The following LEF1 variants were observed in gnomAD, a reference collection of about 807,000 sequenced individuals.
LEF1 encodes the protein lymphoid enhancer-binding factor 1.
In LEF1, 14 loss-of-function variants were observed where a neutral mutation model predicts 51.2. The observed-to-expected ratio is 0.27, with a 90% CI of 0.18 to 0.43. The LOEUF (loss-of-function observed/expected upper bound fraction) is 0.43. Among genes scored for constraint, LEF1 ranks in the 20% least tolerant of loss-of-function variants. The probability of loss-of-function intolerance (pLI) is 1.00; values close to 1 mark genes in which losing one functional copy is unlikely to be tolerated. For missense variants in LEF1, 386 were observed against 512.0 expected, an observed-to-expected ratio of 0.75 and a Z score of 2.37; for synonymous variants, 185 against 183.2, an observed-to-expected ratio of 1.01 and a Z score of -0.08.
intron 9 of LEF1, among the ~76,000 whole-genome samples, chr4:108,065,396 A>C (rs1161251490): frequency 1.3e-5 from 2 of 152,222 alleles, no homozygotes; most frequent in Admixed American, 6.5e-5. Flanking sequence ...GAAGCAGGAG[A>C]ATCACTTGAA....
At chr4:108,122,891 A>G (rs1404677142) in intron 3 of LEF1, among the ~76,000 whole-genome samples, 1 of 152,210 alleles carries the variant, frequency 6.6e-6, no homozygotes, top group Non-Finnish European at 1.5e-5. Context: ...TCTCAGTTAC[A>G]CTAATTAAGT....
chr4:108,144,115 C>A (rs1261767819), intron 3 of LEF1, among the ~76,000 whole-genome samples: 1 of 152,172 alleles, frequency 6.6e-6, no homozygotes, highest in Non-Finnish European at 1.5e-5. Flanking sequence ...TGCCCAAAGT[C>A]TGGGACCCCT....
chr4:108,064,655 TCACA>T (rs59828005), intron 9 of LEF1, among the ~76,000 whole-genome samples: 6,140 of 127,824 alleles, frequency 0.048, 283 homozygotes, highest in African/African-American at 0.12. Flanking sequence ...TCTCTCTCAC[TCACA>T]CACACACACA....
intron 4 of LEF1, among the ~76,000 whole-genome samples, chr4:108,087,372 A>G (rs1739718241): frequency 6.6e-6 from 1 of 152,178 alleles, no homozygotes; most frequent in African/African-American, 2.4e-5. Flanking sequence ...AACTGCAAGC[A>G]GACAACTTCT....
At chr4:108,125,868 ATGT>A (rs1742495074) in intron 3 of LEF1, among the ~76,000 whole-genome samples, 1 of 152,188 alleles carries the variant, frequency 6.6e-6, no homozygotes, top group Admixed American at 6.5e-5. Flanking sequence ...TAAAAAGTAA[ATGT>A]TGTTTTACTT....
At position 108,117,058 on chromosome 4, in the gene LEF1, C is replaced by T. The variant is rs763707737; in HGVS notation, c.415-27801G>A. ...TCCTCTTTTCTGTGAAGAGGTTAGC[C>T]TTTTCATCTGATAAGCAATTAAGGT... On this transcript the variant is annotated intron_variant, in intron 3 of 11. Coordinates refer to ENST00000265165, the MANE Select transcript of LEF1 (RefSeq NM_016269.5). 2.6e-4 allele frequency among the ~76,000 whole-genome samples: 40 copies of T among 152,164 alleles called. 1 individual carries two copies. Among genetic ancestry groups the T allele is most frequent in the Admixed American group, 2.0e-4 (3 of 15,282 alleles).
intron 3 of LEF1, among the ~76,000 whole-genome samples, chr4:108,153,353 C>T (rs1404735664): frequency 6.6e-6 from 1 of 152,190 alleles, no homozygotes. Context: ...TGGTTTGTAT[C>T]ACAGTTCAAG....
At chr4:108,108,563 G>C (rs1233615871) in intron 3 of LEF1, among the ~76,000 whole-genome samples, 1 of 152,018 alleles carries the variant, frequency 6.6e-6, no homozygotes, top group East Asian at 1.9e-4. Flanking sequence ...AGTGGTCTTG[G>C]AACTGGGGAT....
At chr4:108,087,525 G>A (rs910138011) in intron 4 of LEF1, among the ~76,000 whole-genome samples, 3 of 151,928 alleles carry the variant, frequency 2.0e-5, no homozygotes, top group Non-Finnish European at 2.9e-5. Flanking sequence ...AACTATAAGC[G>A]TAACTGAGAG....
At chr4:108,102,382 G>A (rs1282860017) in intron 3 of LEF1, among the ~76,000 whole-genome samples, 1 of 152,104 alleles carries the variant, frequency 6.6e-6, no homozygotes, top group Non-Finnish European at 1.5e-5. Context: ...TGGTCATCCT[G>A]CCAAAATTCC....
intron 5 of LEF1, among the ~76,000 whole-genome samples, chr4:108,081,896 AC>A (rs1274256018): frequency 1.3e-5 from 2 of 152,138 alleles, no homozygotes; most frequent in Non-Finnish European, 2.9e-5. Context: ...TTTGAAACAA[AC>A]CATCCATGAA....
chr4:108,127,835 T>C (rs1560809902), intron 3 of LEF1, among the ~76,000 whole-genome samples: 1 of 152,140 alleles, frequency 6.6e-6, no homozygotes, highest in Non-Finnish European at 1.5e-5. Context: ...TCTGAAGGGT[T>C]TGGGACTAGG....
chr4:108,078,099 T>C, intron 8 of LEF1, 121 bp downstream of exon 8: 1 of 884,152 alleles, frequency 1.1e-6, no homozygotes, highest in Non-Finnish European at 1.8e-6. Flanking sequence ...AAATGCATCA[T>C]ATCATATCTT....
At chr4:108,080,453 C>T (rs1443892871) in intron 6 of LEF1, among the ~76,000 whole-genome samples, 1 of 152,130 alleles carries the variant, frequency 6.6e-6, no homozygotes, top group Non-Finnish European at 1.5e-5. Flanking sequence ...TCACAGCCTA[C>T]ACAATTAATT....
At chr4:108,138,716 C>A (rs917420661) in intron 3 of LEF1, among the ~76,000 whole-genome samples, 1 of 152,236 alleles carries the variant, frequency 6.6e-6, no homozygotes, top group African/African-American at 2.4e-5. Flanking sequence ...CCTCCAAACG[C>A]CTTGAAGTTG....
At chr4:108,106,379 G>A (rs1409707018) in intron 3 of LEF1, among the ~76,000 whole-genome samples, 1 of 152,142 alleles carries the variant, frequency 6.6e-6, no homozygotes, top group Non-Finnish European at 1.5e-5. Flanking sequence ...GAAGAAGACA[G>A]TAACAGCCTG....
At chr4:108,166,471 T>C in intron 1 of LEF1, 1 of 1,387,024 alleles carries the variant, frequency 7.2e-7, no homozygotes, top group Non-Finnish European at 9.3e-7. Context: ...AGGACTTTTC[T>C]ACCGGATTTC....
chr4:108,091,916 T>C (rs1438161987), intron 3 of LEF1, among the ~76,000 whole-genome samples: 2 of 152,200 alleles, frequency 1.3e-5, no homozygotes, highest in African/African-American at 4.8e-5. Flanking sequence ...TTTAAAAGTC[T>C]CATAAATAAG....
intron 3 of LEF1, among the ~76,000 whole-genome samples, chr4:108,136,902 C>T (rs1743299487): frequency 6.6e-6 from 1 of 152,114 alleles, no homozygotes; most frequent in Non-Finnish European, 1.5e-5. Flanking sequence ...AATAAGGGCT[C>T]TAAGTCTTCC....
Sources: allele counts gnomAD v4.1 joint callset (sites outside exome capture counted in the v4.1 genomes callset), GRCh38; gene constraint gnomAD v4.1.1; transcripts MANE v1.5; gene names NCBI Gene and HGNC (gene_info 2026-07-23, HGNC 2026-07-21).